Variants in HS3ST4 observed in about 807,000 individuals in gnomAD.
HS3ST4 encodes the protein heparan sulfate-glucosamine 3-sulfotransferase 4, also known as heparan sulfate glucosamine 3-O-sulfotransferase 4.
In HS3ST4, 17 loss-of-function variants were observed where a neutral mutation model predicts 29.2. The observed-to-expected ratio is 0.58, with a 90% confidence interval of 0.40 to 0.87. The LOEUF (loss-of-function observed/expected upper bound fraction) is 0.87. Among genes scored for constraint, HS3ST4 ranks in the 40% least tolerant of loss-of-function variants. The probability of loss-of-function intolerance (pLI) is 0.00; values close to 1 mark genes in which losing one functional copy is unlikely to be tolerated. For synonymous variants in HS3ST4, 314 were observed against 285.7 expected (o/e 1.10, Z -1.00); for missense variants, 627 against 634.5 (o/e 0.99, Z 0.13).
intron 1 of HS3ST4, among the ~76,000 whole-genome samples, chr16:25,971,320 A>G (rs953927514): frequency 4.6e-5 from 7 of 152,228 alleles, no homozygotes; most frequent in African/African-American, 1.4e-4. Context: ...AGCCTGCTTC[A>G]ACCTTGCAGC....
At chr16:25,877,931 G>A (rs1967849892) in intron 1 of HS3ST4, among the ~76,000 whole-genome samples, 1 of 152,128 alleles carries the variant, frequency 6.6e-6, no homozygotes, top group Admixed American at 6.6e-5. Flanking sequence ...ATTATCTCAG[G>A]AGCTTCCAGT....
At chr16:26,012,005 G>C (rs1036764241) in intron 1 of HS3ST4, among the ~76,000 whole-genome samples, 1 of 152,120 alleles carries the variant, frequency 6.6e-6, no homozygotes, top group East Asian at 1.9e-4. Context: ...ATAAAGTTGG[G>C]AAACAGAATA....
intron 1 of HS3ST4, among the ~76,000 whole-genome samples, chr16:26,057,639 G>A (rs1156619529): frequency 6.6e-6 from 1 of 152,188 alleles, no homozygotes; most frequent in Non-Finnish European, 1.5e-5. Flanking sequence ...TATAGTCCCA[G>A]CTACTCAGGC....
chr16:25,723,233 C>A (rs141467170), intron 1 of HS3ST4, among the ~76,000 whole-genome samples: 4 of 152,020 alleles, frequency 2.6e-5, no homozygotes, highest in Admixed American at 2.6e-4. Flanking sequence ...AAAATAAACA[C>A]GATAAAGGAA....
intron 1 of HS3ST4, among the ~76,000 whole-genome samples, chr16:25,942,060 G>C (rs1968577555): frequency 6.6e-6 from 1 of 152,188 alleles, no homozygotes; most frequent in Non-Finnish European, 1.5e-5. Context: ...ATTTAATGTA[G>C]GGGTTGAAAG....
intron 1 of HS3ST4, among the ~76,000 whole-genome samples, chr16:25,970,658 G>A (rs541960536): frequency 3.3e-4 from 50 of 152,094 alleles, no homozygotes; most frequent in Admixed American, 5.9e-4. Context: ...ATGGGAACAT[G>A]CCACCATGCC....
chr16:26,117,046 A>T (rs1292782526), intron 1 of HS3ST4, among the ~76,000 whole-genome samples: 1 of 152,170 alleles, frequency 6.6e-6, no homozygotes, highest in African/African-American at 2.4e-5. Flanking sequence ...TGGCTTAGTG[A>T]TATCTTTCTA....
At chr16:25,951,808 T>C (rs1968685727) in intron 1 of HS3ST4, among the ~76,000 whole-genome samples, 1 of 152,028 alleles carries the variant, frequency 6.6e-6, no homozygotes, top group African/African-American at 2.4e-5. Context: ...AGACCAAGAG[T>C]TGGCAAACTA....
chr16:25,835,605 T>C (rs1967348903), intron 1 of HS3ST4, among the ~76,000 whole-genome samples: 2 of 152,142 alleles, frequency 1.3e-5, no homozygotes, highest in Non-Finnish European at 2.9e-5. Flanking sequence ...AGTAATCCCA[T>C]TTGACAGATG....
chr16:25,764,917 G>A (rs4287571), intron 1 of HS3ST4, among the ~76,000 whole-genome samples: 2 of 152,102 alleles, frequency 1.3e-5, no homozygotes, highest in South Asian at 2.1e-4. Flanking sequence ...AAGAGTAACC[G>A]GCAAGAGGCT....
intron 1 of HS3ST4, among the ~76,000 whole-genome samples, chr16:26,087,224 C>A (rs1270575336): frequency 2.6e-5 from 4 of 152,334 alleles, no homozygotes; most frequent in African/African-American, 9.6e-5. Context: ...AGACACATCA[C>A]TGGCCATGCA....
chr16:25,737,225 G>T (rs565521384), intron 1 of HS3ST4, among the ~76,000 whole-genome samples: 2 of 152,166 alleles, frequency 1.3e-5, no homozygotes, highest in Non-Finnish European at 2.9e-5. Context: ...TGCTGGTTAC[G>T]ATGCACATTT....
chr16:25,768,131 T>C (rs1314363639), intron 1 of HS3ST4, among the ~76,000 whole-genome samples: 1 of 152,184 alleles, frequency 6.6e-6, no homozygotes, highest in African/African-American at 2.4e-5. Flanking sequence ...CGGAGCAAGA[T>C]GCAGAGTTGG....
chr16:26,037,136 G>A (rs750200790), intron 1 of HS3ST4, among the ~76,000 whole-genome samples: 4 of 152,154 alleles, frequency 2.6e-5, no homozygotes, highest in Non-Finnish European at 4.4e-5. Flanking sequence ...AAAGAACAGC[G>A]CCATTCTTAA....
intron 1 of HS3ST4, among the ~76,000 whole-genome samples, chr16:26,043,694 C>T (rs1263892779): frequency 6.6e-6 from 1 of 152,198 alleles, no homozygotes; most frequent in Non-Finnish European, 1.5e-5. Flanking sequence ...GCAGCAATTA[C>T]AATCTTCCCT....
chr16:25,857,267 G>T (rs991477157), intron 1 of HS3ST4, among the ~76,000 whole-genome samples: 10 of 151,890 alleles, frequency 6.6e-5, no homozygotes, highest in African/African-American at 2.4e-4. Flanking sequence ...TAACTCTCTG[G>T]ATTCATCAAC....
At chr16:25,786,430 G>A (rs1250864013) in intron 1 of HS3ST4, among the ~76,000 whole-genome samples, 2 of 152,168 alleles carry the variant, frequency 1.3e-5, no homozygotes, top group Non-Finnish European at 2.9e-5. Context: ...CAACATTTAG[G>A]CCAGTGTTCT....
intron 1 of HS3ST4, among the ~76,000 whole-genome samples, chr16:25,897,034 T>G (rs1003247007): frequency 2.0e-5 from 3 of 152,160 alleles, no homozygotes; most frequent in African/African-American, 7.2e-5. Context: ...GTTGAAAAAC[T>G]GCCTACTGGG....
Position 25,692,739 on chromosome 16 carries a change from C to T in HS3ST4, c.322C>T (p.His108Tyr). Reference sequence around the variant, plus strand: ...GCCGCCGCCGCTGGACAACGCGAGCCACGGGGAGCCGCCCGAGCCCCCAGA... The same window carrying T: ...GCCGCCGCCGCTGGACAACGCGAGCTACGGGGAGCCGCCCGAGCCCCCAGA... The part of the protein sequence containing the change: ...PAPPPLDNAS[H>Y]GEPPEPPEQP... Residue 108 changes from histidine (H) to tyrosine (Y), a missense_variant, in exon 1 of 2, where the codon CAC becomes TAC. Around this residue, in one of 2 missense-constraint regions of HS3ST4, gnomAD observed 402 missense variants for 340.8 expected, o/e 1.18. Transcript: ENST00000331351. The T allele has an allele frequency of 7.8e-7, 1 of 1,285,116 alleles. No individual in the cohort carries two copies. The highest frequency in any genetic ancestry group is 9.8e-7 in the Non-Finnish European group (1 of 1,020,380). The allele number at this position is 1,285,116 out of a possible 1,614,324, so 79.6% of individuals were successfully genotyped here. A position where few individuals can be genotyped will look rare whatever the true frequency, so the allele number is the denominator to read the frequency against.
Sources: gnomAD v4.1 joint callset for allele counts (sites outside exome capture counted in the v4.1 genomes callset) on GRCh38, gnomAD v4.1.1 for gene constraint, gnomAD v4.1.1 regional missense constraint, MANE v1.5 for transcripts, NCBI Gene and HGNC (gene_info 2026-07-23, HGNC 2026-07-21) for gene names.